The following PIBF1 variants were observed in gnomAD, a reference collection of about 807,000 sequenced individuals.
PIBF1 encodes progesterone immunomodulatory binding factor 1.
Under a neutral mutation model 112.5 loss-of-function variants are expected in PIBF1, and 90 were observed. The ratio of observed to expected loss-of-function variants is 0.80; its 90% CI spans 0.67 to 0.95. The LOEUF (loss-of-function observed/expected upper bound fraction) is 0.95, where lower values mean the gene tolerates loss of function less well. Ranked by LOEUF, PIBF1 falls within the 40% of genes least tolerant of loss-of-function variation. PIBF1 has a pLI of 0.00. For missense variants in PIBF1, 915 were observed against 852.3 expected (o/e 1.07, Z -0.92); for synonymous variants, 301 against 288.6 (o/e 1.04, Z -0.44).
chr13:72,868,178 A>T (rs1216513666), intron 10 of PIBF1, among the ~76,000 whole-genome samples: 3 of 152,072 alleles, frequency 2.0e-5, no homozygotes, highest in Non-Finnish European at 2.9e-5. Flanking sequence ...GCATGTGCCT[A>T]TAATCTCAGC....
At chr13:72,992,343 C>A (rs1440316284) in intron 16 of PIBF1, among the ~76,000 whole-genome samples, 3 of 152,140 alleles carry the variant, frequency 2.0e-5, no homozygotes, top group Non-Finnish European at 2.9e-5. Context: ...AAATAACTTT[C>A]TAAATTAATG....
chr13:73,007,627 T>C (rs1299364359), intron 17 of PIBF1, among the ~76,000 whole-genome samples: 2 of 152,022 alleles, frequency 1.3e-5, no homozygotes, highest in Non-Finnish European at 2.9e-5. Flanking sequence ...CTGACCAACA[T>C]GGAGAAACCC....
At chr13:72,912,562 T>C (rs1368369679) in intron 12 of PIBF1, among the ~76,000 whole-genome samples, 3 of 152,164 alleles carry the variant, frequency 2.0e-5, no homozygotes, top group African/African-American at 7.2e-5. Flanking sequence ...GGCAGTTTCT[T>C]ACAAAATAAT....
intron 9 of PIBF1, among the ~76,000 whole-genome samples, chr13:72,836,895 A>G (rs112738686): frequency 2.6e-5 from 4 of 152,212 alleles, no homozygotes; most frequent in African/African-American, 9.6e-5. Flanking sequence ...AGTATACGCC[A>G]AAGGAAATTA....
chr13:72,905,883 G>A (rs2040686426), intron 11 of PIBF1, among the ~76,000 whole-genome samples: 1 of 152,152 alleles, frequency 6.6e-6, no homozygotes, highest in Non-Finnish European at 1.5e-5. Context: ...TGTTAAAACT[G>A]AGGCTTGAGG....
At chr13:72,792,829 T>A (rs966847085) in intron 3 of PIBF1, among the ~76,000 whole-genome samples, 1 of 152,240 alleles carries the variant, frequency 6.6e-6, no homozygotes, top group African/African-American at 2.4e-5. Context: ...TTTCTTCTTT[T>A]ACGCAACATA....
chr13:72,931,653 T>A (rs2041699836), intron 14 of PIBF1, among the ~76,000 whole-genome samples: 1 of 149,488 alleles, frequency 6.7e-6, no homozygotes, highest in African/African-American at 2.4e-5. Flanking sequence ...AATTTAACTT[T>A]GTTTACACTT....
At chr13:72,947,231 A>G (rs1409817572) in intron 14 of PIBF1, among the ~76,000 whole-genome samples, 1 of 152,164 alleles carries the variant, frequency 6.6e-6, no homozygotes, top group Non-Finnish European at 1.5e-5. Flanking sequence ...GACTTGCACC[A>G]TCTGAAGCAA....
intron 9 of PIBF1, among the ~76,000 whole-genome samples, chr13:72,839,052 A>C (rs2037488656): frequency 6.6e-6 from 1 of 152,208 alleles, no homozygotes; most frequent in African/African-American, 2.4e-5. Flanking sequence ...CAATTGAAAG[A>C]TTTTAAGAAG....
chr13:72,987,856 T>TTATTTATTTA (rs2043347613), intron 16 of PIBF1, among the ~76,000 whole-genome samples: 1 of 65,564 alleles, frequency 1.5e-5, no homozygotes, highest in African/African-American at 5.8e-5. Context: ...ATTTATTTAT[T>TTATTTATTTA]TATTTTTTTT....
rs572321680 is a variant in PIBF1 at position 72,971,010 on chromosome 13, C to T, written c.1965-2581C>T. ...CCCCACCATTTATTCCATGTATATA[C>T]GGTTGTTTTGCTATTTAATTATAGA... On this transcript the variant is annotated intron_variant, in intron 15 of 17. Coordinates refer to ENST00000326291, the MANE Select transcript of PIBF1 (RefSeq NM_006346.4). 7.2e-5 allele frequency among the ~76,000 whole-genome samples: 11 copies of T among 152,130 alleles called. No homozygotes were observed. In the South Asian group the frequency reaches 1.0e-3, roughly 14 times the overall value.
chr13:72,922,022 C>T (rs1472975066), intron 13 of PIBF1, among the ~76,000 whole-genome samples: 1 of 152,218 alleles, frequency 6.6e-6, no homozygotes, highest in Non-Finnish European at 1.5e-5. Context: ...CTCTGTTACT[C>T]AGGTCGGAAT....
intron 12 of PIBF1, among the ~76,000 whole-genome samples, chr13:72,909,842 TATA>T (rs1447650120): frequency 6.6e-6 from 1 of 152,172 alleles, no homozygotes; most frequent in Non-Finnish European, 1.5e-5. Flanking sequence ...GGTACTGTGT[TATA>T]ATCTTTGATC....
intron 11 of PIBF1, among the ~76,000 whole-genome samples, chr13:72,902,941 G>C (rs1430308203): frequency 6.6e-6 from 1 of 151,548 alleles, no homozygotes; most frequent in African/African-American, 2.4e-5. Context: ...TGTCTCCCAG[G>C]CTGGAATGCA....
intron 10 of PIBF1, among the ~76,000 whole-genome samples, chr13:72,885,325 T>C (rs1257678729): frequency 6.6e-6 from 1 of 152,158 alleles, no homozygotes; most frequent in Admixed American, 6.6e-5. Context: ...GAAACAATAA[T>C]CTTAATTCAC....
chr13:72,970,182 G>A (rs568920183), intron 15 of PIBF1, among the ~76,000 whole-genome samples: 25 of 144,232 alleles, frequency 1.7e-4, no homozygotes, highest in African/African-American at 6.1e-4. Context: ...AAAGGCTAGA[G>A]TAAATATTCA....
chr13:72,831,840 C>T (rs7334462), intron 8 of PIBF1, among the ~76,000 whole-genome samples: 117,896 of 151,884 alleles, frequency 0.78, 46,055 homozygotes, highest in South Asian at 0.85. Context: ...ATATTGACAG[C>T]GGGGTGTTAA....
intron 17 of PIBF1, among the ~76,000 whole-genome samples, chr13:73,008,196 G>A (rs749389698): frequency 3.9e-5 from 6 of 152,196 alleles, no homozygotes; most frequent in Admixed American, 2.0e-4. Context: ...TTCACCAATC[G>A]AAGGATTGAA....
In PIBF1 at chr13:72,818,053, A is replaced by T. The variant is rs571364856; in HGVS notation, c.673-3796A>T. On this transcript the variant is annotated intron_variant, in intron 5 of 17. Transcript: ENST00000326291. ...GCATATGGTGTTTATATTTAAAGGA[A>T]ATTTATAAATATATACATATATATA... Among the ~76,000 whole-genome samples, 254 of 137,178 alleles carry T rather than the reference A, an allele frequency of 1.9e-3. 6 individuals carry two copies. In the East Asian group the frequency reaches 0.052, roughly 28 times the overall value. 90.0% of individuals were successfully genotyped at this position (137,178 alleles called of 152,430 possible). A position where few individuals can be genotyped will look rare whatever the true frequency, so the allele number is the denominator to read the frequency against.
Sources: allele counts gnomAD v4.1 joint callset (sites outside exome capture counted in the v4.1 genomes callset), GRCh38; gene constraint gnomAD v4.1.1; transcripts MANE v1.5; gene names NCBI Gene and HGNC (gene_info 2026-07-23, HGNC 2026-07-21).